The following EPHA6 variants were observed in gnomAD, a reference collection of about 807,000 sequenced individuals.
EPHA6 encodes ephrin type-A receptor 6.
EPHA6 carries 50 observed loss-of-function variants against 112.0 expected under a neutral mutation model. The observed-to-expected ratio is 0.45, with a 90% CI of 0.36 to 0.56. The LOEUF (loss-of-function observed/expected upper bound fraction) is 0.56. Among genes scored for constraint, EPHA6 ranks in the 20% least tolerant of loss-of-function variants. EPHA6 has a pLI of 0.00. For synonymous variants in EPHA6, 529 were observed against 490.7 expected (o/e 1.08, Z -1.03); for missense variants, 1,280 against 1,417.4 (o/e 0.90, Z 1.56).
chr3:97,112,548 C>T (rs185730548), intron 3 of EPHA6, among the ~76,000 whole-genome samples: 86 of 152,000 alleles, frequency 5.7e-4, no homozygotes, highest in South Asian at 1.0e-3. Context: ...GTGATAGTTT[C>T]TGTTGTATCA....
At chr3:97,664,687 A>G (rs2094193539) in intron 14 of EPHA6, among the ~76,000 whole-genome samples, 1 of 152,196 alleles carries the variant, frequency 6.6e-6, no homozygotes, top group South Asian at 2.1e-4. Context: ...ACAGATAAAC[A>G]AAGAGCCAAA....
At chr3:97,466,561 G>A (rs2091062679) in intron 7 of EPHA6, 3 of 736,488 alleles carry the variant, frequency 4.1e-6, no homozygotes, top group South Asian at 3.1e-5. Flanking sequence ...TGATGTCTCA[G>A]TCTCAGTTCT....
chr3:96,925,234 T>G (rs965041966), intron 2 of EPHA6, among the ~76,000 whole-genome samples: 1 of 152,184 alleles, frequency 6.6e-6, no homozygotes, highest in African/African-American at 2.4e-5. Context: ...CAGCTCTTTT[T>G]TGTGCCTCTC....
intron 13 of EPHA6, among the ~76,000 whole-genome samples, chr3:97,629,563 G>C (rs1043520048): frequency 6.6e-6 from 1 of 151,732 alleles, no homozygotes; most frequent in Admixed American, 6.6e-5. Flanking sequence ...TTCTTCTTTT[G>C]CATACAAAAC....
chr3:97,274,100 G>C (rs2079984566), intron 5 of EPHA6, among the ~76,000 whole-genome samples: 1 of 152,170 alleles, frequency 6.6e-6, no homozygotes, highest in African/African-American at 2.4e-5. Context: ...TAAGAGGCAG[G>C]CTAGCGGCTT....
Position 96,834,451 on chromosome 3 carries a change from T to C in EPHA6, c.385+19443T>C, listed in dbSNP as rs74433614. Among the ~76,000 whole-genome samples, 1,429 of 152,086 alleles carry C rather than the reference T, an allele frequency of 9.4e-3. 22 individuals are homozygous for C. The highest frequency in any genetic ancestry group is 0.033 in the African/African-American group (1,382 of 41,526). ...AAGTAAGTAGGAAGTATTTTGAAGG[T>C]GTATTGATACCACAGCTCTGAAATA... On this transcript the variant is annotated intron_variant, in intron 1 of 17. Coordinates refer to ENST00000389672, the MANE Select transcript of EPHA6 (RefSeq NM_001080448.3).
chr3:97,438,195 A>T (rs949790139), intron 6 of EPHA6, among the ~76,000 whole-genome samples: 1 of 152,202 alleles, frequency 6.6e-6, no homozygotes, highest in Non-Finnish European at 1.5e-5. Flanking sequence ...TCTGTATCTC[A>T]TCTATCTACA....
intron 10 of EPHA6, among the ~76,000 whole-genome samples, chr3:97,523,223 G>T (rs1202340055): frequency 6.6e-6 from 1 of 151,922 alleles, no homozygotes; most frequent in Non-Finnish European, 1.5e-5. Flanking sequence ...TTAGTATGTT[G>T]TATTTTCATT....
intron 15 of EPHA6, among the ~76,000 whole-genome samples, chr3:97,724,012 A>G (rs2034644490): frequency 6.6e-6 from 1 of 152,172 alleles, no homozygotes; most frequent in South Asian, 2.1e-4. Flanking sequence ...TTTGACTTTT[A>G]CCAAGCAAGG....
intron 3 of EPHA6, among the ~76,000 whole-genome samples, chr3:97,001,185 T>A (rs2043650733): frequency 6.6e-6 from 1 of 151,824 alleles, no homozygotes; most frequent in African/African-American, 2.4e-5. Flanking sequence ...AAAATGTGAT[T>A]ATTTTCATAT....
chr3:97,325,059 T>C (rs1251771900), intron 5 of EPHA6, among the ~76,000 whole-genome samples: 2 of 151,998 alleles, frequency 1.3e-5, no homozygotes, highest in East Asian at 3.9e-4. Flanking sequence ...TGGGCCTAAT[T>C]CCAGGATTTT....
In EPHA6 at chr3:97,750,298, GT is replaced by G. The variant is rs34935946; in HGVS notation, c.*1609del. 0.26 allele frequency among the ~76,000 whole-genome samples: 38,452 copies of G among 145,816 alleles called. 4,948 individuals are homozygous for G. The highest frequency in any genetic ancestry group is 0.33 in the Middle Eastern group (94 of 282). On this transcript the variant is annotated 3_prime_UTR_variant, in exon 18 of 18. Transcript: ENST00000389672. ...AAATTCATTTTTTGTCATAGTAGTG[GT>G]TTTTTTTTTTTAAATAAAGGACCCT...
intron 3 of EPHA6, among the ~76,000 whole-genome samples, chr3:97,167,949 T>G (rs1271023082): frequency 5.9e-5 from 9 of 152,012 alleles, no homozygotes; most frequent in Non-Finnish European, 4.4e-5. Flanking sequence ...GATTTTAGAC[T>G]TTACCTTTCT....
chr3:96,943,378 A>G (rs1350190528), intron 2 of EPHA6, among the ~76,000 whole-genome samples: 5 of 152,208 alleles, frequency 3.3e-5, no homozygotes, highest in African/African-American at 1.2e-4. Flanking sequence ...ATATCAAAAC[A>G]TTATACTGTG....
chr3:97,577,227 G>T (rs1040383009), intron 11 of EPHA6, among the ~76,000 whole-genome samples: 1 of 152,092 alleles, frequency 6.6e-6, no homozygotes, highest in Non-Finnish European at 1.5e-5. Flanking sequence ...AATTGTAAAC[G>T]TAGAGTTGGA....
chr3:96,938,236 A>C (rs372676494), intron 2 of EPHA6, among the ~76,000 whole-genome samples: 2 of 152,206 alleles, frequency 1.3e-5, no homozygotes, highest in African/African-American at 4.8e-5. Context: ...CTTCCAACCC[A>C]TGAGCATGGA....
intron 3 of EPHA6, among the ~76,000 whole-genome samples, chr3:97,081,366 G>T (rs895507479): frequency 6.6e-6 from 1 of 151,820 alleles, no homozygotes; most frequent in African/African-American, 2.4e-5. Context: ...AGAAAATCAG[G>T]CAAAGGACAA....
At chr3:97,089,632 G>T (rs2047003064) in intron 3 of EPHA6, among the ~76,000 whole-genome samples, 1 of 152,106 alleles carries the variant, frequency 6.6e-6, no homozygotes. Context: ...AACGATCTAT[G>T]CCTGTTCTCC....
chr3:97,029,119 A>G (rs143510160), intron 3 of EPHA6, among the ~76,000 whole-genome samples: 64 of 151,878 alleles, frequency 4.2e-4, no homozygotes, highest in Non-Finnish European at 7.4e-4. Flanking sequence ...TGCATGGAAT[A>G]GCCTACTCCA....
Sources: gnomAD v4.1 joint callset for allele counts (sites outside exome capture counted in the v4.1 genomes callset) on GRCh38, gnomAD v4.1.1 for gene constraint, MANE v1.5 for transcripts, NCBI Gene and HGNC (gene_info 2026-07-23, HGNC 2026-07-21) for gene names.